The following PDE1C variants were observed in gnomAD, a reference collection of about 807,000 sequenced individuals.
The protein encoded by PDE1C is dual specificity calcium/calmodulin-dependent 3',5'-cyclic nucleotide phosphodiesterase 1C.
PDE1C carries 62 observed loss-of-function variants against 93.1 expected under a neutral mutation model. That is an observed-to-expected ratio of 0.67 (90% CI 0.54 to 0.82). The LOEUF is 0.82. Among genes scored for constraint, PDE1C ranks in the 40% least tolerant of loss-of-function variants. The probability of loss-of-function intolerance (pLI) is 0.00; values close to 1 mark genes in which losing one functional copy is unlikely to be tolerated. For synonymous variants in PDE1C, 325 were observed against 310.1 expected (o/e 1.05, Z -0.50); for missense variants, 742 against 884.6 (o/e 0.84, Z 2.04).
intron 16 of PDE1C, among the ~76,000 whole-genome samples, chr7:31,776,005 C>G (rs2128630806): frequency 6.6e-6 from 1 of 152,200 alleles, no homozygotes; most frequent in South Asian, 2.1e-4. Flanking sequence ...ATTTTAGGAT[C>G]ACAGGGGAAG....
chr7:32,085,984 GT>G (rs1433271359), intron 3 of PDE1C, among the ~76,000 whole-genome samples: 1 of 151,666 alleles, frequency 6.6e-6, no homozygotes, highest in Admixed American at 6.6e-5. Flanking sequence ...ATTCAACATA[GT>G]GCTGGAAGTT....
At chr7:31,692,626 C>A in the PDE1C span, 2 of 1,076,580 alleles carry the variant, frequency 1.9e-6, no homozygotes, top group Non-Finnish European at 2.8e-6. Flanking sequence ...CCCCCCGAAA[C>A]CTGATAGTCT....
intron 1 of PDE1C, among the ~76,000 whole-genome samples, chr7:32,313,604 G>C (rs1465703090): frequency 6.6e-6 from 1 of 151,988 alleles, no homozygotes; most frequent in Non-Finnish European, 1.5e-5. Context: ...TCCTTTGTGG[G>C]GACACGGATG....
chr7:31,819,429 T>C lies in PDE1C; in HGVS notation c.1583-3275A>G, dbSNP rs78400864. 6.2e-3 allele frequency among the ~76,000 whole-genome samples: 949 copies of C among 152,302 alleles called. 10 individuals carry two copies. The highest frequency in any genetic ancestry group is 0.022 in the African/African-American group (895 of 41,578). ...GACTTGAGAACAGTTATTTTGTACA[T>C]GCTCACAGCTTCCAACGACAGCAAG... On this transcript the variant is annotated intron_variant, in intron 14 of 17. Coordinates refer to ENST00000396191, the MANE Select transcript of PDE1C (RefSeq NM_001191057.4).
At chr7:31,912,701 T>C (rs1049140670) in intron 2 of PDE1C, among the ~76,000 whole-genome samples, 45 of 151,990 alleles carry the variant, frequency 3.0e-4, no homozygotes, top group African/African-American at 9.9e-4. Context: ...AATATATATA[T>C]ATAAAATAAA....
intron 14 of PDE1C, chr7:31,820,757 A>G (rs1310572347): frequency 6.6e-6 from 1 of 152,160 alleles, no homozygotes; most frequent in Non-Finnish European, 1.5e-5. Flanking sequence ...GCTGCTAAGA[A>G]TGTTATAAAA....
chr7:31,953,098 A>T (rs1385987624), intron 2 of PDE1C, among the ~76,000 whole-genome samples: 2 of 152,224 alleles, frequency 1.3e-5, no homozygotes, highest in Non-Finnish European at 2.9e-5. Context: ...ATAATTATAT[A>T]TGGCCAGAGA....
At chr7:31,653,049 T>C in the PDE1C span, 3 of 1,196,540 alleles carry the variant, frequency 2.5e-6, no homozygotes, top group Non-Finnish European at 2.2e-6. Flanking sequence ...GCACAGAGTA[T>C]GCAACAGTGA....
In PDE1C at chr7:31,823,067, T is replaced by C. The variant is rs996760510; in HGVS notation, c.1582+6A>G. The C allele has an allele frequency of 5.0e-6, 8 of 1,606,620 alleles. No homozygotes were observed. In the Admixed American group the frequency reaches 5.1e-5, roughly 10 times the overall value. ...AATTGGTTTGGACAGGTCTGTGGCA[T>C]GTTACCTTTGGGTACCTTGGCCCTC... On this transcript the variant is annotated splice_donor_region_variant and intron_variant, in intron 14 of 17. Transcript: ENST00000396191.
chr7:32,293,987 C>T (rs1056427711), intron 1 of PDE1C, among the ~76,000 whole-genome samples: 21 of 152,192 alleles, frequency 1.4e-4, no homozygotes, highest in Non-Finnish European at 2.5e-4. Flanking sequence ...CAGGGGAGGC[C>T]GGGGGCCTCT....
intron 1 of PDE1C, among the ~76,000 whole-genome samples, chr7:32,362,839 G>T (rs1784160112): frequency 6.6e-6 from 1 of 152,208 alleles, no homozygotes; most frequent in Non-Finnish European, 1.5e-5. Context: ...GGTGAAAGAT[G>T]AACTCAATGC....
intron 1 of PDE1C, among the ~76,000 whole-genome samples, chr7:32,356,528 G>C (rs962056026): frequency 2.6e-5 from 4 of 152,162 alleles, no homozygotes; most frequent in Admixed American, 6.5e-5. Flanking sequence ...ATCTCATTTA[G>C]ATGGGCACAT....
At chr7:32,271,474 ACCC>A (rs1810960821) in intron 1 of PDE1C, among the ~76,000 whole-genome samples, 1 of 152,196 alleles carries the variant, frequency 6.6e-6, no homozygotes, top group African/African-American at 2.4e-5. Context: ...AGAATATTTA[ACCC>A]AGGAACACGA....
chr7:32,311,610 C>T (rs1041424687), intron 1 of PDE1C, among the ~76,000 whole-genome samples: 32 of 152,098 alleles, frequency 2.1e-4, no homozygotes, highest in Non-Finnish European at 3.4e-4. Context: ...ATACGCAAAT[C>T]AATAAATGTA....
At chr7:31,770,779 G>C (rs1489172684) in intron 17 of PDE1C, among the ~76,000 whole-genome samples, 1 of 152,122 alleles carries the variant, frequency 6.6e-6, no homozygotes, top group African/African-American at 2.4e-5. Flanking sequence ...AAAAGTGCAT[G>C]AGCCACCAAG....
the PDE1C span, among the ~76,000 whole-genome samples, chr7:31,661,649 G>A: frequency 7.2e-5 from 11 of 152,090 alleles, no homozygotes; most frequent in Non-Finnish European, 1.3e-4. Flanking sequence ...CAACGTGGAG[G>A]TTGCAGTGAG....
At chr7:32,325,102 T>C (rs1387699080) in intron 1 of PDE1C, among the ~76,000 whole-genome samples, 1 of 152,214 alleles carries the variant, frequency 6.6e-6, no homozygotes, top group Non-Finnish European at 1.5e-5. Context: ...AAATAATACG[T>C]TCATCAAAGT....
chr7:31,919,534 T>C (rs180816872), intron 2 of PDE1C, among the ~76,000 whole-genome samples: 138 of 152,232 alleles, frequency 9.1e-4, no homozygotes, highest in African/African-American at 3.1e-3. Context: ...TGGATTCTTC[T>C]GGTCAAGAGA....
chr7:32,080,329 A>G (rs1337609279), intron 3 of PDE1C, among the ~76,000 whole-genome samples: 1 of 152,126 alleles, frequency 6.6e-6, no homozygotes, highest in East Asian at 1.9e-4. Flanking sequence ...TAACATACCA[A>G]TTGACCAATG....
Sources: allele counts gnomAD v4.1 joint callset (sites outside exome capture counted in the v4.1 genomes callset), GRCh38; gene constraint gnomAD v4.1.1; transcripts MANE v1.5; gene names NCBI Gene and HGNC (gene_info 2026-07-23, HGNC 2026-07-21).